DPH6: variants seen among roughly 807,000 people sequenced by gnomAD.
DPH6 encodes diphthine--ammonia ligase.
DPH6 carries 33 observed loss-of-function variants against 38.2 expected under a neutral mutation model. The observed-to-expected ratio is 0.86, with a 90% CI of 0.65 to 1.15. The LOEUF is 1.15. Ranked by LOEUF, DPH6 falls within the 50% of genes most tolerant of loss-of-function variation. The pLI, the probability that DPH6 is intolerant of heterozygous loss-of-function variation, is 0.00. For synonymous variants in DPH6, 108 were observed against 103.0 expected, an observed-to-expected ratio of 1.05 and a Z score of -0.30; for missense variants, 325 against 320.0, an observed-to-expected ratio of 1.02 and a Z score of -0.12.
chr15:35,284,285 C>A (rs190321505), intron 3 of DPH6, among the ~76,000 whole-genome samples: 57 of 152,210 alleles, frequency 3.7e-4, no homozygotes, highest in African/African-American at 1.2e-3. Flanking sequence ...ATATATACAA[C>A]AAGAAACCCT....
intron 6 of DPH6, among the ~76,000 whole-genome samples, chr15:35,394,768 A>G (rs1218739385): frequency 6.6e-6 from 1 of 152,212 alleles, no homozygotes; most frequent in Non-Finnish European, 1.5e-5. Flanking sequence ...TTTCAGGAAT[A>G]AAACCACATG....
At chr15:35,426,763 G>A (rs16960913) in intron 5 of DPH6, among the ~76,000 whole-genome samples, 55,289 of 150,896 alleles carry the variant, frequency 0.37, 12,129 homozygotes, top group African/African-American at 0.62. Flanking sequence ...AAAGTTTAAA[G>A]AACCATCCAG....
At chr15:35,477,858 C>T (rs897102725) in intron 3 of DPH6, among the ~76,000 whole-genome samples, 4 of 151,796 alleles carry the variant, frequency 2.6e-5, no homozygotes, top group African/African-American at 4.8e-5. Flanking sequence ...TAATTATTAG[C>T]GGGAAATGTT....
intron 5 of DPH6, among the ~76,000 whole-genome samples, chr15:35,411,271 G>A (rs2053363361): frequency 1.3e-5 from 2 of 151,542 alleles, no homozygotes; most frequent in South Asian, 4.2e-4. Context: ...ATGGACAACA[G>A]CATTAATTTT....
chr15:35,251,130 C>A (rs1028034414), intron 3 of DPH6, among the ~76,000 whole-genome samples: 2 of 152,164 alleles, frequency 1.3e-5, no homozygotes, highest in African/African-American at 4.8e-5. Context: ...TTTATACAAT[C>A]TCCCAAACTT....
At chr15:35,180,908 A>G in the DPH6 span, among the ~76,000 whole-genome samples, 1 of 152,230 alleles carries the variant, frequency 6.6e-6, no homozygotes, top group African/African-American at 2.4e-5. Context: ...AATTTTTAAA[A>G]TTCTGTTTTT....
At chr15:35,217,820 G>A (rs1469910733) in exon 4 of DPH6, 1 of 152,168 alleles carries the variant, frequency 6.6e-6, no homozygotes, top group Non-Finnish European at 1.5e-5. Context: ...TTCTTTCTTG[G>A]TGTCAGTGGG....
intron 1 of DPH6, among the ~76,000 whole-genome samples, chr15:35,545,237 T>C (rs1462889068): frequency 6.6e-6 from 1 of 152,216 alleles, no homozygotes; most frequent in Non-Finnish European, 1.5e-5. Flanking sequence ...AGTATTTAAG[T>C]AGTCTAACTT....
chr15:35,494,524 A>C (rs918685981), intron 3 of DPH6, among the ~76,000 whole-genome samples: 1 of 152,122 alleles, frequency 6.6e-6, no homozygotes, highest in African/African-American at 2.4e-5. Context: ...GGATCTTTAG[A>C]ATATTAGGTG....
At chr15:35,399,276 CA>C (rs1442581675) in intron 6 of DPH6, among the ~76,000 whole-genome samples, 4 of 151,016 alleles carry the variant, frequency 2.6e-5, no homozygotes, top group Admixed American at 6.6e-5. Context: ...ATTTAAAGAA[CA>C]AAAAAATAAG....
the DPH6 span, among the ~76,000 whole-genome samples, chr15:35,190,105 T>C: frequency 0.096 from 14,532 of 152,040 alleles, 944 homozygotes; most frequent in East Asian, 0.3. Context: ...CAATTGTGTT[T>C]CCTTTGGCAG....
intron 3 of DPH6, among the ~76,000 whole-genome samples, chr15:35,295,529 T>C (rs2052008956): frequency 6.6e-6 from 1 of 152,230 alleles, no homozygotes; most frequent in Non-Finnish European, 1.5e-5. Context: ...ACCACTTTCA[T>C]TGTCTTCCTC....
At chr15:35,428,688 A>T (rs1312417348) in intron 5 of DPH6, among the ~76,000 whole-genome samples, 1 of 152,074 alleles carries the variant, frequency 6.6e-6, no homozygotes, top group African/African-American at 2.4e-5. Flanking sequence ...CAAAGAAAGT[A>T]CCAGTGGACT....
chr15:35,276,780 T>C (rs2051862046), intron 3 of DPH6, among the ~76,000 whole-genome samples: 1 of 152,232 alleles, frequency 6.6e-6, no homozygotes, highest in African/African-American at 2.4e-5. Context: ...TTCTGTTCCA[T>C]TGGTCTATGT....
intron 5 of DPH6, among the ~76,000 whole-genome samples, chr15:35,434,100 C>G (rs1178303037): frequency 6.6e-6 from 1 of 152,130 alleles, no homozygotes; most frequent in Non-Finnish European, 1.5e-5. Context: ...TAGTACAAAT[C>G]AGACTCAAAA....
the DPH6 span, among the ~76,000 whole-genome samples, chr15:35,156,394 AG>A: frequency 6.6e-6 from 1 of 152,212 alleles, no homozygotes; most frequent in Non-Finnish European, 1.5e-5. Context: ...ATATAAAAAA[AG>A]AGTTTAATAA....
chr15:35,373,678 C>T, intron 7 of DPH6, 70 bp from the exon 8 acceptor site: 1 of 1,165,758 alleles, frequency 8.6e-7, no homozygotes, highest in South Asian at 1.4e-5. Context: ...CTCCTACTGA[C>T]TAGAAGAGAC....
At chr15:35,516,645 A>T (rs1371337665) in intron 3 of DPH6, among the ~76,000 whole-genome samples, 1 of 152,198 alleles carries the variant, frequency 6.6e-6, no homozygotes, top group Admixed American at 6.5e-5. Context: ...AATTATGAAC[A>T]TATCATTGAT....
chr15:35,444,531 T>C (rs1455520172), intron 5 of DPH6, among the ~76,000 whole-genome samples: 1 of 152,168 alleles, frequency 6.6e-6, no homozygotes, highest in Non-Finnish European at 1.5e-5. Context: ...TCCATAGCAA[T>C]TGGAATATTC....
Sources: gnomAD v4.1 joint callset for allele counts (sites outside exome capture counted in the v4.1 genomes callset) on GRCh38, gnomAD v4.1.1 for gene constraint, MANE v1.5 for transcripts, NCBI Gene and HGNC (gene_info 2026-07-23, HGNC 2026-07-21) for gene names.